TSPAN9: variants seen among roughly 807,000 people sequenced by gnomAD.
TSPAN9 encodes tetraspanin 9.
A neutral mutation model predicts 31.0 loss-of-function variants in TSPAN9; 16 were observed. That is an observed-to-expected ratio of 0.52 (90% CI 0.35 to 0.78). TSPAN9 has a LOEUF of 0.78. TSPAN9 is among the 30% of genes least tolerant of loss of function. The pLI is 0.01. For missense variants in TSPAN9, 272 were observed against 312.5 expected, an observed-to-expected ratio of 0.87 and a Z score of 0.98; for synonymous variants, 145 against 121.6, an observed-to-expected ratio of 1.19 and a Z score of -1.27.
At chr12:3,081,223 C>A (rs1045747953) in intron 1 of TSPAN9, among the ~76,000 whole-genome samples, 2 of 152,156 alleles carry the variant, frequency 1.3e-5, no homozygotes, top group Non-Finnish European at 2.9e-5. Context: ...ATGCTTGGAA[C>A]AAGAGAGGAC....
At chr12:3,130,056 G>C (rs141514704) in intron 2 of TSPAN9, among the ~76,000 whole-genome samples, 2 of 152,346 alleles carry the variant, frequency 1.3e-5, no homozygotes, top group African/African-American at 4.8e-5. Context: ...ACTTGGGAAG[G>C]TCTCTGGGCG....
intron 2 of TSPAN9, among the ~76,000 whole-genome samples, chr12:3,169,036 T>C (rs2153970106): frequency 6.6e-6 from 1 of 152,310 alleles, no homozygotes; most frequent in East Asian, 1.9e-4. Flanking sequence ...CTGGCAACAG[T>C]CTGCCAGGAT....
chr12:3,102,149 G>A (rs2098312138), intron 2 of TSPAN9, among the ~76,000 whole-genome samples: 1 of 151,546 alleles, frequency 6.6e-6, no homozygotes, highest in Non-Finnish European at 1.5e-5. Context: ...TTTGAGTTGG[G>A]ACCTCATTCT....
intron 5 of TSPAN9, among the ~76,000 whole-genome samples, chr12:3,279,518 C>T (rs1862856967): frequency 6.6e-6 from 1 of 152,248 alleles, no homozygotes; most frequent in Admixed American, 6.5e-5. Flanking sequence ...CAGGGAAGCT[C>T]TGTTTCCTGC....
At chr12:3,201,340 T>C in intron 3 of TSPAN9, 84 bp downstream of exon 3, 2 of 1,349,620 alleles carry the variant, frequency 1.5e-6, no homozygotes, top group Admixed American at 1.7e-5. Flanking sequence ...CCCTCTTCTG[T>C]GCTGCATTGC....
At chr12:3,238,835 T>C (rs2098395152) in intron 3 of TSPAN9, among the ~76,000 whole-genome samples, 1 of 152,220 alleles carries the variant, frequency 6.6e-6, no homozygotes, top group Admixed American at 6.5e-5. Context: ...CCCATGGGCA[T>C]GCAGCATACG....
chr12:3,091,319 C>A (rs1204670288), intron 2 of TSPAN9, among the ~76,000 whole-genome samples: 1 of 152,248 alleles, frequency 6.6e-6, no homozygotes, highest in African/African-American at 2.4e-5. Context: ...AAGCAACTCA[C>A]AATGGACTCG....
rs74749289 is a variant in TSPAN9, at chr12:3,119,525, G to A, written c.-18+35806G>A. Among the ~76,000 whole-genome samples the A allele has an allele frequency of 8.9e-3, 1,353 of 152,266 alleles. 21 individuals are homozygous for A. Among genetic ancestry groups the A allele is most frequent in the African/African-American group, 0.03 (1,233 of 41,534 alleles). The stretch of plus-strand genomic sequence containing the variant: ...GCCCTTGCCCGTGTGATGTTTGTGT[G>A]TGCTTTTTTCTGCAGGAAGTCTTGG... On this transcript the variant is annotated intron_variant, in intron 2 of 8. Coordinates refer to ENST00000011898, the MANE Select transcript of TSPAN9 (RefSeq NM_006675.5).
intron 2 of TSPAN9, among the ~76,000 whole-genome samples, chr12:3,133,507 G>T (rs1020977668): frequency 1.3e-5 from 2 of 152,106 alleles, no homozygotes; most frequent in Non-Finnish European, 2.9e-5. Flanking sequence ...GGAGAGCCTT[G>T]GTATGTATTC....
At chr12:3,173,962 C>G (rs2098353569) in intron 2 of TSPAN9, 1 of 152,408 alleles carries the variant, frequency 6.6e-6, no homozygotes, top group East Asian at 1.9e-4. Flanking sequence ...TGAATGACTA[C>G]AGCGTGGTGT....
chr12:3,158,061 C>T (rs890610310), intron 2 of TSPAN9, among the ~76,000 whole-genome samples: 2 of 152,226 alleles, frequency 1.3e-5, no homozygotes, highest in African/African-American at 4.8e-5. Flanking sequence ...ACACGGGCTC[C>T]AGGAGTTGGC....
At chr12:3,238,808 TTGAACTGGGCCTCTCACCCA>T (rs2098395138) in intron 3 of TSPAN9, among the ~76,000 whole-genome samples, 1 of 152,228 alleles carries the variant, frequency 6.6e-6, no homozygotes, top group Non-Finnish European at 1.5e-5. Flanking sequence ...TTGGCGTCTG[TTGAACTGGGCCTCTCACCCA>T]TGGGCATGCA....
At chr12:3,164,215 T>A (rs1293185614) in intron 2 of TSPAN9, among the ~76,000 whole-genome samples, 1 of 152,202 alleles carries the variant, frequency 6.6e-6, no homozygotes, top group African/African-American at 2.4e-5. Context: ...TTGCTTTCTA[T>A]TATCAAAACA....
At chr12:3,132,391 C>T (rs527553320) in intron 2 of TSPAN9, among the ~76,000 whole-genome samples, 12 of 152,240 alleles carry the variant, frequency 7.9e-5, no homozygotes, top group South Asian at 4.1e-4. Context: ...CTGCCGGCAA[C>T]GCATGAGGGT....
chr12:3,085,020 G>GT (rs2098299726), intron 2 of TSPAN9, among the ~76,000 whole-genome samples: 1 of 152,182 alleles, frequency 6.6e-6, no homozygotes, highest in African/African-American at 2.4e-5. Flanking sequence ...GAGGCACCGC[G>GT]TATCACTGGA....
intron 2 of TSPAN9, among the ~76,000 whole-genome samples, chr12:3,118,267 T>TTTTTTTTTTTTTTG (rs2098323484): frequency 9.1e-6 from 1 of 109,328 alleles, no homozygotes. Flanking sequence ...TTTTTTTTTT[T>TTTTTTTTTTTTTTG]TTTTTTTTTT....
At chr12:3,234,899 G>A (rs1011519314) in intron 3 of TSPAN9, among the ~76,000 whole-genome samples, 6 of 151,918 alleles carry the variant, frequency 3.9e-5, no homozygotes, top group Admixed American at 1.3e-4. Flanking sequence ...GGTGGCTTAC[G>A]CCTGTCATCC....
At chr12:3,233,046 T>G (rs754409924) in intron 3 of TSPAN9, among the ~76,000 whole-genome samples, 2 of 152,222 alleles carry the variant, frequency 1.3e-5, no homozygotes, top group Non-Finnish European at 2.9e-5. Flanking sequence ...GTGCCTTTGC[T>G]GATCACAGGT....
At chr12:3,148,714 C>T (rs1426467209) in intron 2 of TSPAN9, among the ~76,000 whole-genome samples, 1 of 152,212 alleles carries the variant, frequency 6.6e-6, no homozygotes, top group Non-Finnish European at 1.5e-5. Flanking sequence ...CCACTCCTTA[C>T]AGAGCAGCAC....
Sources: allele counts gnomAD v4.1 joint callset (sites outside exome capture counted in the v4.1 genomes callset), GRCh38; gene constraint gnomAD v4.1.1; transcripts MANE v1.5; gene names NCBI Gene and HGNC (gene_info 2026-07-23, HGNC 2026-07-21).